Variants in AK8 observed in about 807,000 individuals in gnomAD.
The protein encoded by AK8 is ATP-AMP transphosphorylase 8.
In AK8, 44 loss-of-function variants were observed where a neutral mutation model predicts 54.6. The ratio of observed to expected loss-of-function variants is 0.81; its 90% CI spans 0.63 to 1.04. The LOEUF is 1.04. AK8 is among the 50% of genes least tolerant of loss of function. The pLI is 0.00. For synonymous variants in AK8, 239 were observed against 245.6 expected (o/e 0.97, Z 0.25); for missense variants, 555 against 613.6 (o/e 0.90, Z 1.01).
At chr9:132,855,475 C>T (rs1213884352) in intron 4 of AK8, among the ~76,000 whole-genome samples, 2 of 152,178 alleles carry the variant, frequency 1.3e-5, no homozygotes, top group Non-Finnish European at 2.9e-5. Flanking sequence ...GTGTGTCCAT[C>T]TCTTCCCAAG....
chr9:132,754,332 C>T (rs1238233464), intron 11 of AK8, among the ~76,000 whole-genome samples: 1 of 152,110 alleles, frequency 6.6e-6, no homozygotes, highest in Non-Finnish European at 1.5e-5. Context: ...TAAATGGGAC[C>T]CATGATGGAG....
Position 132,770,910 on chromosome 9 carries a change from A to G in AK8, c.1121+21724T>C, listed in dbSNP as rs79689186. Among the ~76,000 whole-genome samples, 132 of 152,202 alleles carry G rather than the reference A, an allele frequency of 8.7e-4. No individual in the cohort carries two copies. Among genetic ancestry groups the G allele is most frequent in the African/African-American group, 2.7e-3 (114 of 41,552 alleles). On this transcript the variant is annotated intron_variant, in intron 11 of 12. Coordinates refer to ENST00000298545, the MANE Select transcript of AK8 (RefSeq NM_152572.3). This position sits in a 1 kb window ranked among gnomAD's most constrained non-coding sequence, Gnocchi z 4.3. ...GTCAGGGAGATGCTTCCCCCATCTC[A>G]TCTCAGTGGGGAGGGAGCAGCTGGT...
At chr9:132,845,787 A>G (rs1239074633) in intron 5 of AK8, among the ~76,000 whole-genome samples, 1 of 152,046 alleles carries the variant, frequency 6.6e-6, no homozygotes, top group East Asian at 1.9e-4. Context: ...TCAAAAAAAA[A>G]AAAAAAAAAT....
At chr9:132,808,865 GGAA>G (rs1473069077) in intron 10 of AK8, among the ~76,000 whole-genome samples, 2 of 152,176 alleles carry the variant, frequency 1.3e-5, no homozygotes, top group African/African-American at 4.8e-5. Context: ...GAGTCCCCAG[GGAA>G]GGAGGTCCAG....
At chr9:132,747,348 T>TCAGGC (rs1837700597) in intron 11 of AK8, among the ~76,000 whole-genome samples, 4 of 150,710 alleles carry the variant, frequency 2.7e-5, no homozygotes, top group Non-Finnish European at 4.5e-5. Flanking sequence ...ACCATGTTGG[T>TCAGGC]TTCACCATGT....
intron 5 of AK8, among the ~76,000 whole-genome samples, chr9:132,838,961 T>C (rs527950506): frequency 2.0e-5 from 3 of 152,292 alleles, no homozygotes; most frequent in East Asian, 3.9e-4. Context: ...ATTTTTTTGT[T>C]GAGACCGAGT....
intron 5 of AK8, among the ~76,000 whole-genome samples, chr9:132,829,275 CTACCACACAA>C (rs963275322): frequency 2.0e-5 from 3 of 151,866 alleles, no homozygotes; most frequent in East Asian, 1.9e-4. Context: ...TGATTTTTTT[CTACCACACAA>C]TAGCGACCAC....
At chr9:132,755,153 T>C (rs1838127477) in intron 11 of AK8, among the ~76,000 whole-genome samples, 1 of 152,226 alleles carries the variant, frequency 6.6e-6, no homozygotes, top group Non-Finnish European at 1.5e-5. Context: ...GAGCAAGCAC[T>C]TGCTGTCATG....
At chr9:132,751,117 C>T (rs531543707) in intron 11 of AK8, among the ~76,000 whole-genome samples, 56 of 152,064 alleles carry the variant, frequency 3.7e-4, no homozygotes, top group African/African-American at 1.3e-3. Flanking sequence ...GGTGCCGTGG[C>T]TCACGCCTGT....
At chr9:132,836,104 C>T (rs1001383399) in intron 5 of AK8, among the ~76,000 whole-genome samples, 1 of 152,120 alleles carries the variant, frequency 6.6e-6, no homozygotes, top group East Asian at 1.9e-4. Context: ...GCCTGGGCAA[C>T]AAGAGCAAAA....
chr9:132,751,906 T>A (rs1463650798), intron 11 of AK8, among the ~76,000 whole-genome samples: 1 of 151,692 alleles, frequency 6.6e-6, no homozygotes, highest in Non-Finnish European at 1.5e-5. Context: ...AGTGGCGCGA[T>A]CTGGGCTCTG....
chr9:132,770,899 T>C lies in AK8; in HGVS notation c.1121+21735A>G, dbSNP rs1347925095. ...GGGCCTCCCCAGTCAGGGAGATGCT[T>C]CCCCCATCTCATCTCAGTGGGGAGG... is the stretch of plus-strand genomic sequence containing the variant. On this transcript the variant is annotated intron_variant, in intron 11 of 12. Transcript: ENST00000298545. The surrounding 1 kb of genome is among the most constrained non-coding windows in gnomAD (Gnocchi z 4.3). Among the ~76,000 whole-genome samples, 2 of 151,980 alleles carry C rather than the reference T, an allele frequency of 1.3e-5. No homozygotes were observed. The highest frequency in any genetic ancestry group is 1.9e-4 in the East Asian group (1 of 5,166).
At chr9:132,743,686 C>G (rs984643928) in intron 11 of AK8, among the ~76,000 whole-genome samples, 1 of 152,202 alleles carries the variant, frequency 6.6e-6, no homozygotes. Context: ...TTCCATTAAT[C>G]AGCACCAAAA....
At chr9:132,815,632 C>T (rs1256293143) in intron 9 of AK8, among the ~76,000 whole-genome samples, 1 of 152,234 alleles carries the variant, frequency 6.6e-6, no homozygotes, top group Non-Finnish European at 1.5e-5. Context: ...CCGCTCTGGA[C>T]ACCTGCTCGC....
chr9:132,861,837 G>C (rs993136976), intron 4 of AK8, among the ~76,000 whole-genome samples: 2 of 152,188 alleles, frequency 1.3e-5, no homozygotes, highest in Non-Finnish European at 2.9e-5. Flanking sequence ...GTGCCCACTC[G>C]CTCTTCAGAA....
Position 132,771,719 on chromosome 9 carries a change from A to G in AK8, c.1121+20915T>C, listed in dbSNP as rs187601381. 1.5e-3 allele frequency among the ~76,000 whole-genome samples: 225 copies of G among 152,292 alleles called. 5 individuals carry two copies. Among genetic ancestry groups the G allele is most frequent in the Non-Finnish European group, 8.8e-5 (6 of 68,022 alleles). On this transcript the variant is annotated intron_variant, in intron 11 of 12. Transcript: ENST00000298545. ...GGCTCCATTATGAATGGCCAGGGCC[A>G]TTGACAAGCAGCGTCGTGTGGTGTG...
chr9:132,877,655 TGAG>T, intron 1 of AK8: 1 of 349,876 alleles, frequency 2.9e-6, no homozygotes, highest in Admixed American at 3.7e-5. Flanking sequence ...CGTCTGGCCC[TGAG>T]GAGGAGGGAC....
At chr9:132,838,511 AG>A (rs1384189996) in intron 5 of AK8, among the ~76,000 whole-genome samples, 11 of 152,212 alleles carry the variant, frequency 7.2e-5, no homozygotes, top group Non-Finnish European at 1.6e-4. Context: ...ACCTGACTCC[AG>A]GGATCTGCGG....
At chr9:132,752,835 G>A (rs1355667247) in intron 11 of AK8, among the ~76,000 whole-genome samples, 18 of 151,210 alleles carry the variant, frequency 1.2e-4, no homozygotes, top group Non-Finnish European at 7.4e-5. Context: ...CCCCACCAGC[G>A]CATCCAAACC....
Sources: gnomAD v4.1 joint callset for allele counts (sites outside exome capture counted in the v4.1 genomes callset) on GRCh38, gnomAD v4.1.1 for gene constraint, Gnocchi (gnomAD v3.1) non-coding constraint, MANE v1.5 for transcripts, NCBI Gene and HGNC (gene_info 2026-07-23, HGNC 2026-07-21) for gene names.